The following TJP2 variants were observed in gnomAD, a reference collection of about 807,000 sequenced individuals.
TJP2 encodes tight junction protein 2.
Under a neutral mutation model 133.1 loss-of-function variants are expected in TJP2, and 91 were observed. The ratio of observed to expected loss-of-function variants is 0.68; its 90% CI spans 0.58 to 0.81. TJP2 has a LOEUF of 0.81. Among genes scored for constraint, TJP2 ranks in the 40% least tolerant of loss-of-function variants. TJP2 has a pLI of 0.00. For missense variants in TJP2, 1,541 were observed against 1,565.6 expected (o/e 0.98, Z 0.26); for synonymous variants, 592 against 583.4 (o/e 1.01, Z -0.21).
In TJP2 at chr9:69,251,179, G is replaced by A; in HGVS notation, c.3136G>A (p.Gly1046Arg). 1 of 1,614,092 alleles carries A rather than the reference G, an allele frequency of 6.2e-7. No individual in the cohort carries two copies. The highest frequency in any genetic ancestry group is 1.6e-4 in the Middle Eastern group (1 of 6,062). ...PPPVAAKPTF[G>R]RSILKPSTPI... The stretch of plus-strand genomic sequence containing the variant: ...TCCTGTTGCAGCAAAACCTACCTTT[G>A]GGCGGTCTATACTGAAGCCCTCCAC... The change falls in exon 21 of 23, where the codon GGG (glycine) becomes AGG (arginine). Residue 1046 changes from glycine to arginine, a missense_variant. Physicochemically the swap from Gly to Arg is moderately radical, Grantham distance 125. Transcript: ENST00000377245.
chr9:69,147,925 CTTT>C (rs71951691), intron 1 of TJP2, among the ~76,000 whole-genome samples: 3,615 of 143,750 alleles, frequency 0.025, 107 homozygotes, highest in African/African-American at 0.08. Context: ...TCACTGATCA[CTTT>C]TTTTTTTTTT....
At chr9:69,210,300 A>C (rs1112813) in intron 1 of TJP2, among the ~76,000 whole-genome samples, 344 of 4,482 alleles carry the variant, frequency 0.077, no homozygotes, top group Non-Finnish European at 0.11. Flanking sequence ...CCCCCCCCCC[A>C]AAAAAAAAAA....
At chr9:69,138,707 C>T (rs548782851) in intron 1 of TJP2, among the ~76,000 whole-genome samples, 3 of 152,224 alleles carry the variant, frequency 2.0e-5, no homozygotes, top group Non-Finnish European at 2.9e-5. Flanking sequence ...CACCTGAGGT[C>T]GGGAGTTTGA....
At chr9:69,192,031 C>A (rs1049770775) in intron 1 of TJP2, among the ~76,000 whole-genome samples, 1 of 152,086 alleles carries the variant, frequency 6.6e-6, no homozygotes, top group South Asian at 2.1e-4. Flanking sequence ...AGCCACCATG[C>A]CCAGCCGTAT....
intron 1 of TJP2, among the ~76,000 whole-genome samples, chr9:69,178,481 G>C (rs1465738706): frequency 6.6e-6 from 1 of 152,138 alleles, no homozygotes; most frequent in African/African-American, 2.4e-5. Flanking sequence ...TGACATCTGA[G>C]GTGTGCATAA....
At chr9:69,194,994 T>C (rs989270494) in intron 1 of TJP2, among the ~76,000 whole-genome samples, 9 of 152,184 alleles carry the variant, frequency 5.9e-5, no homozygotes, top group African/African-American at 2.2e-4. Flanking sequence ...TGTGTCCCTC[T>C]TTTCTGTGGG....
chr9:69,242,947 T>C (rs999099421), intron 17 of TJP2, among the ~76,000 whole-genome samples: 2 of 152,210 alleles, frequency 1.3e-5, no homozygotes, highest in Non-Finnish European at 2.9e-5. Flanking sequence ...CACTGCAACC[T>C]CTGCTTCCTG....
chr9:69,221,614 C>A, intron 5 of TJP2, 118 bp downstream of exon 5: 1 of 1,374,312 alleles, frequency 7.3e-7, no homozygotes, highest in South Asian at 1.3e-5. Flanking sequence ...AGGGAAGTGG[C>A]GTGATCTCGG....
chr9:69,228,896 A>C (rs932047760), intron 9 of TJP2, among the ~76,000 whole-genome samples: 1 of 152,142 alleles, frequency 6.6e-6, no homozygotes, highest in Non-Finnish European at 1.5e-5. Context: ...ATTTAAGGGG[A>C]AACAGTATCA....
At chr9:69,235,311 A>T (rs541121649) in intron 12 of TJP2, among the ~76,000 whole-genome samples, 11,034 of 67,634 alleles carry the variant, frequency 0.16, 461 homozygotes, top group African/African-American at 0.27. Flanking sequence ...TTATTTATTT[A>T]TTTATTTATT....
At chr9:69,163,614 CAA>C (rs1309241590) in intron 2 of TJP2, among the ~76,000 whole-genome samples, 1 of 142,356 alleles carries the variant, frequency 7.0e-6, no homozygotes, top group African/African-American at 2.6e-5. Context: ...CCAGCCTGGG[CAA>C]AAGAGTGAGA....
chr9:69,230,019 A>G (rs1829648615), intron 10 of TJP2, 63 bp from the exon 11 acceptor site: 2 of 1,592,086 alleles, frequency 1.3e-6, no homozygotes, highest in African/African-American at 1.3e-5. Flanking sequence ...TCATTTGCTA[A>G]TGTTGTTCTC....
At position 69,236,236 on chromosome 9, in the gene TJP2, C is replaced by G; in HGVS notation, c.1989C>G (p.Ser663Arg). The change falls in exon 13 of 23, where the codon AGC (serine) becomes AGG (arginine). Residue 663 changes from serine (S) to arginine (R), a missense_variant and splice_region_variant. Ser to Arg is a moderately radical substitution (Grantham distance 110). Coordinates refer to ENST00000377245, the MANE Select transcript of TJP2 (RefSeq NM_004817.4). ...ELEKGLIPNK[S>R]RAEQMASVQN... ...AGAAAGGCTTAATCCCCAACAAGAG[C>G]AGGTAACAGAGATCGCATTCTCACA... 1 of 1,613,854 alleles carries G rather than the reference C, an allele frequency of 6.2e-7. No homozygotes were observed. Among genetic ancestry groups the G allele is most frequent in the Non-Finnish European group, 8.5e-7 (1 of 1,180,022 alleles).
chr9:69,152,817 CTTTTTTTTTTTTT>C (rs10543289), intron 2 of TJP2, among the ~76,000 whole-genome samples: 24 of 48,032 alleles, frequency 5.0e-4, no homozygotes, highest in East Asian at 8.3e-4. Flanking sequence ...CTCTGGAGCT[CTTTTTTTTTTTTT>C]TTTTTTTTTT....
intron 1 of TJP2, among the ~76,000 whole-genome samples, chr9:69,131,427 T>A (rs1315057765): frequency 6.6e-6 from 1 of 152,196 alleles, no homozygotes; most frequent in Admixed American, 6.5e-5. Context: ...GAGAGTGAGC[T>A]GTGTTCTACT....
exon 1 of TJP2, chr9:69,121,473 C>A: frequency 2.2e-6 from 1 of 453,484 alleles, no homozygotes; most frequent in Non-Finnish European, 2.9e-6. Context: ...TTCTCTCAAA[C>A]CTCTAAACAG....
chr9:69,233,777 A>T (rs1250536524), intron 11 of TJP2, among the ~76,000 whole-genome samples: 2 of 137,578 alleles, frequency 1.5e-5, no homozygotes, highest in African/African-American at 6.2e-5. Context: ...ACTACATCTC[A>T]AAAAAAAAAA....
intron 1 of TJP2, among the ~76,000 whole-genome samples, chr9:69,147,790 T>A (rs539269004): frequency 6.6e-6 from 1 of 152,064 alleles, no homozygotes; most frequent in East Asian, 1.9e-4. Context: ...TGAATGTGCC[T>A]TTTTTTTGAG....
intron 1 of TJP2, among the ~76,000 whole-genome samples, chr9:69,130,132 G>A (rs1316838463): frequency 6.6e-6 from 1 of 152,064 alleles, no homozygotes; most frequent in Non-Finnish European, 1.5e-5. Flanking sequence ...CAAGCTGCAC[G>A]GCAGTGTTTT....
Sources: allele counts gnomAD v4.1 joint callset (sites outside exome capture counted in the v4.1 genomes callset), GRCh38; gene constraint gnomAD v4.1.1; transcripts MANE v1.5; gene names NCBI Gene and HGNC (gene_info 2026-07-23, HGNC 2026-07-21).